The following TMEM234 variants were observed in gnomAD, a reference collection of about 807,000 sequenced individuals.
TMEM234 encodes transmembrane protein 234.
In TMEM234, 21 loss-of-function variants were observed where a neutral mutation model predicts 17.8. The ratio of observed to expected loss-of-function variants is 1.18; its 90% CI spans 0.84 to 1.70. The LOEUF is 1.70. Among genes scored for constraint, TMEM234 ranks in the 40% most tolerant of loss-of-function variants. The probability of loss-of-function intolerance (pLI) is 0.00; values close to 1 mark genes in which losing one functional copy is unlikely to be tolerated. For synonymous variants in TMEM234, 83 were observed against 73.5 expected (o/e 1.13, Z -0.66); for missense variants, 137 against 166.9 (o/e 0.82, Z 0.99).
At chr1:32,220,101 G>GGTTCA (rs1638758720) in intron 3 of TMEM234, among the ~76,000 whole-genome samples, 1 of 152,174 alleles carries the variant, frequency 6.6e-6, no homozygotes, top group Non-Finnish European at 1.5e-5. Flanking sequence ...GCTGGTCAAG[G>GGTTCA]GTTCAGCATT....
chr1:32,221,737 T>C, intron 2 of TMEM234, 130 bp downstream of exon 2: 1 of 1,286,656 alleles, frequency 7.8e-7, no homozygotes, highest in South Asian at 1.4e-5. Context: ...AAACTGAGGC[T>C]CAAGGACAAC....
At chr1:32,219,662 T>C (rs1557544965) in intron 3 of TMEM234, among the ~76,000 whole-genome samples, 1 of 152,154 alleles carries the variant, frequency 6.6e-6, no homozygotes, top group Admixed American at 6.5e-5. Flanking sequence ...CCTGAGCCAC[T>C]GTGCCCTGCC....
In TMEM234 at chr1:32,222,347, C is replaced by T. The variant is rs747371434; in HGVS notation, c.-25G>A. On this transcript the variant is annotated 5_prime_UTR_variant, in exon 1 of 5. Transcript: ENST00000309777. Reference sequence around the variant, plus strand: ...TGGCAACGCCGCTGTCTTCTACTTCCGGGAACGAAGGGGCGGAGACCCATA... The same window carrying T: ...TGGCAACGCCGCTGTCTTCTACTTCTGGGAACGAAGGGGCGGAGACCCATA... 1.9e-6 allele frequency: 3 copies of T among 1,564,770 alleles called. No homozygotes were observed. In the Admixed American group the frequency reaches 5.6e-5, roughly 29 times the overall value.
intron 3 of TMEM234, among the ~76,000 whole-genome samples, chr1:32,218,578 G>A (rs962522233): frequency 2.6e-5 from 4 of 152,070 alleles, no homozygotes; most frequent in Non-Finnish European, 4.4e-5. Context: ...TGAGACGGGC[G>A]GATCACCTGA....
intron 2 of TMEM234, 106 bp from the exon 3 acceptor site, chr1:32,221,303 A>G: frequency 1.2e-6 from 1 of 848,496 alleles, no homozygotes; most frequent in Non-Finnish European, 1.9e-6. Context: ...CAGGGTTATA[A>G]GGACCCAGAG....
intron 2 of TMEM234, 50 bp downstream of exon 2, chr1:32,221,817 A>G: frequency 6.3e-7 from 1 of 1,590,364 alleles, no homozygotes; most frequent in Non-Finnish European, 8.5e-7. Flanking sequence ...CCAAAGACCA[A>G]ATTCTTGGCG....
At chr1:32,218,861 C>T (rs1638645929) in intron 3 of TMEM234, among the ~76,000 whole-genome samples, 1 of 152,172 alleles carries the variant, frequency 6.6e-6, no homozygotes, top group South Asian at 2.1e-4. Flanking sequence ...TTGCTTGAAC[C>T]TGGTAGGCAG....
intron 2 of TMEM234, among the ~76,000 whole-genome samples, chr1:32,221,460 C>G (rs1638901118): frequency 6.6e-6 from 1 of 152,148 alleles, no homozygotes; most frequent in African/African-American, 2.4e-5. Context: ...CTCCAGGAAG[C>G]CTTCCCCAAG....
At chr1:32,215,695 C>A, downstream of TMEM234, 1 of 1,132,016 alleles carries the variant, frequency 8.8e-7, no homozygotes, top group Admixed American at 2.7e-5. Context: ...GGAAGCAGTT[C>A]CTAATTTCCA....
chr1:32,217,231 G>A (rs1411811722), intron 4 of TMEM234, 28 bp downstream of exon 4: 6 of 1,614,210 alleles, frequency 3.7e-6, no homozygotes, highest in Non-Finnish European at 4.2e-6. Flanking sequence ...ACAGAGCTGC[G>A]TCCCGCACTC....
At chr1:32,216,125 T>C (rs530683058), downstream of TMEM234, 2 of 674,326 alleles carry the variant, frequency 3.0e-6, no homozygotes, top group South Asian at 1.9e-5. Context: ...TGGGATTCTC[T>C]GGCCAGAGAA....
In TMEM234 at chr1:32,216,284, G is replaced by GT. The variant is rs1638374086; in HGVS notation, c.*568dup. On this transcript the variant is annotated 3_prime_UTR_variant, in exon 5 of 5. Coordinates refer to ENST00000309777, the MANE Select transcript of TMEM234 (RefSeq NM_019118.5). ...GGCTGGGGCTCACAGCTCTCTACCT[G>GT]TTTAAGAGGGGCTGGCAGTGAGGAT... 3.4e-6 allele frequency: 5 copies of GT among 1,491,642 alleles called. No individual in the cohort carries two copies. The Admixed American group carries it at 1.0e-4, about 31-fold the overall frequency. The allele number at this position is 1,491,642 out of a possible 1,614,324, so 92.4% of individuals were successfully genotyped here.
chr1:32,216,034 C>T (rs1386365217), downstream of TMEM234: 8 of 789,898 alleles, frequency 1.0e-5, no homozygotes, highest in African/African-American at 3.5e-5. Context: ...CAGCCCTCCC[C>T]GTTCTCCTGC....
chr1:32,214,716 G>C (rs1638244667), downstream of TMEM234: 1 of 1,572,424 alleles, frequency 6.4e-7, no homozygotes. Flanking sequence ...GGCGTCAGGG[G>C]CTCTCTGAAG....
chr1:32,215,366 G>C, downstream of TMEM234: 2 of 1,266,318 alleles, frequency 1.6e-6, no homozygotes, highest in South Asian at 2.8e-5. Flanking sequence ...AAAGGGGCTA[G>C]CATGAAGGTC....
chr1:32,215,077 G>A, downstream of TMEM234: 1 of 1,183,060 alleles, frequency 8.5e-7, no homozygotes. Flanking sequence ...AGATAAAGGA[G>A]TCTGAACCTA....
rs1334904114 is a variant in TMEM234 at position 32,216,425 on chromosome 1, T to G, written c.*428A>C. 1 of 1,551,694 alleles carries G rather than the reference T, an allele frequency of 6.4e-7. No homozygotes were observed. Among genetic ancestry groups the G allele is most frequent in the Admixed American group, 2.0e-5 (1 of 50,998 alleles). On this transcript the variant is annotated 3_prime_UTR_variant, in exon 5 of 5. Coordinates refer to ENST00000309777, the MANE Select transcript of TMEM234 (RefSeq NM_019118.5). ...CACCCCTCATTCAGCCAAAGCGCTC[T>G]GACTGAGTCCCAGAGGCCTCCCGTT...
chr1:32,222,120 C>G, intron 1 of TMEM234, 102 bp from the exon 2 acceptor site: 1 of 1,503,974 alleles, frequency 6.6e-7, no homozygotes, highest in Non-Finnish European at 8.9e-7. Context: ...CCACTTCCCT[C>G]CTTCGCTCTC....
In TMEM234 at chr1:32,216,452, G is replaced by C; in HGVS notation, c.*401C>G. Reference sequence around the variant, plus strand: ...ACTGAGTCCCAGAGGCCTCCCGTTTGCATTTCTGGCTCAAAGTCTGCAGCT... The same window carrying C: ...ACTGAGTCCCAGAGGCCTCCCGTTTCCATTTCTGGCTCAAAGTCTGCAGCT... On this transcript the variant is annotated 3_prime_UTR_variant, in exon 5 of 5. Transcript: ENST00000309777. 1.3e-6 allele frequency: 2 copies of C among 1,551,698 alleles called. No homozygotes were observed. Among genetic ancestry groups the C allele is most frequent in the Non-Finnish European group, 8.7e-7 (1 of 1,146,998 alleles).
Sources: gnomAD v4.1 joint callset for allele counts (sites outside exome capture counted in the v4.1 genomes callset) on GRCh38, gnomAD v4.1.1 for gene constraint, MANE v1.5 for transcripts, NCBI Gene and HGNC (gene_info 2026-07-23, HGNC 2026-07-21) for gene names.